TRAPPC6A: variants seen among roughly 807,000 people sequenced by gnomAD.
TRAPPC6A encodes trafficking protein particle complex subunit 6A, also known as TRAPP complex subunit 6A.
Under a neutral mutation model 20.8 loss-of-function variants are expected in TRAPPC6A, and 25 were observed. The observed-to-expected ratio is 1.20, with a 90% CI of 0.88 to 1.68. The LOEUF is 1.68. Ranked by LOEUF, TRAPPC6A falls within the 40% of genes most tolerant of loss-of-function variation. TRAPPC6A has a pLI of 0.00. For missense variants in TRAPPC6A, 215 were observed against 211.6 expected (o/e 1.02, Z -0.10); for synonymous variants, 96 against 93.3 (o/e 1.03, Z -0.16).
intron 1 of TRAPPC6A, among the ~76,000 whole-genome samples, chr19:45,168,098 G>T (rs550272885): frequency 2.0e-5 from 3 of 150,144 alleles, no homozygotes; most frequent in African/African-American, 7.4e-5. Flanking sequence ...CGCCTCCCGG[G>T]TTCACGCCAT....
In TRAPPC6A at chr19:45,163,803, GT is replaced by G. The variant is rs1969070319; in HGVS notation, c.448+112del. On this transcript the variant is annotated intron_variant, in intron 5 of 5. Transcript: ENST00000585934. The surrounding 1 kb of genome is among the most constrained non-coding windows in gnomAD (Gnocchi z 5.3). The stretch of plus-strand genomic sequence containing the variant: ...CTGCACCAGCCGTGTGGCTGAGCAG[GT>G]GACTTAAAACTGGGCCTGCCTCCCA... 1 of 924,560 alleles carries G rather than the reference GT, an allele frequency of 1.1e-6. No individual in the cohort carries two copies. Among genetic ancestry groups the G allele is most frequent in the Non-Finnish European group, 1.7e-6 (1 of 601,888 alleles). The allele number at this position is 924,560 out of a possible 1,614,324, so 57.3% of individuals were successfully genotyped here.
At chr19:45,167,311 C>T (rs1969177061) in intron 1 of TRAPPC6A, among the ~76,000 whole-genome samples, 1 of 152,196 alleles carries the variant, frequency 6.6e-6, no homozygotes, top group Admixed American at 6.5e-5. Flanking sequence ...CAATTTCACG[C>T]AGGTTAATTA....
intron 1 of TRAPPC6A, among the ~76,000 whole-genome samples, chr19:45,167,774 C>T (rs924833021): frequency 7.9e-5 from 12 of 152,212 alleles, no homozygotes; most frequent in Non-Finnish European, 1.6e-4. Flanking sequence ...TGGGCCATCG[C>T]GCCCAGCTGA....
intron 1 of TRAPPC6A, among the ~76,000 whole-genome samples, chr19:45,166,452 G>A (rs1327345189): frequency 6.6e-5 from 10 of 151,304 alleles, no homozygotes; most frequent in Non-Finnish European, 8.8e-5. Context: ...CAAGTGATCC[G>A]CCCGCCTTGG....
At position 45,163,429 on chromosome 19, in the gene TRAPPC6A, C is replaced by T. The variant is rs562257449; in HGVS notation, c.449-206G>A. 1.3e-5 allele frequency among the ~76,000 whole-genome samples: 2 copies of T among 152,258 alleles called. No individual in the cohort carries two copies. The highest frequency in any genetic ancestry group is 2.4e-5 in the African/African-American group (1 of 41,550). On this transcript the variant is annotated intron_variant, in intron 5 of 5. Coordinates refer to ENST00000585934, the MANE Select transcript of TRAPPC6A (RefSeq NM_001270891.2). This position sits in a 1 kb window ranked among gnomAD's most constrained non-coding sequence, Gnocchi z 5.3. Reference sequence around the variant, plus strand: ...ACGGATGTGGCCCCAGGGAAGCGCCCGGCACGGGCTTCTGTGGTATGCATT... The same window carrying T: ...ACGGATGTGGCCCCAGGGAAGCGCCTGGCACGGGCTTCTGTGGTATGCATT...
At chr19:45,174,330 A>T (rs1969320924) in intron 1 of TRAPPC6A, among the ~76,000 whole-genome samples, 1 of 152,048 alleles carries the variant, frequency 6.6e-6, no homozygotes, top group Non-Finnish European at 1.5e-5. Context: ...TCATAAGCCA[A>T]ATGAATCCCA....
intron 1 of TRAPPC6A, among the ~76,000 whole-genome samples, chr19:45,168,507 C>T (rs1041811302): frequency 6.6e-6 from 1 of 152,156 alleles, no homozygotes; most frequent in Non-Finnish European, 1.5e-5. Context: ...CGGGAGCTCA[C>T]CCAGCGGACA....
In TRAPPC6A at chr19:45,164,747, TG is replaced by T. The variant is rs2033457647; in HGVS notation, c.270+105del. 6.7e-6 allele frequency: 7 copies of T among 1,043,122 alleles called. No individual in the cohort carries two copies. The Admixed American group carries it at 1.2e-4, about 18-fold the overall frequency. The allele number at this position is 1,043,122 out of a possible 1,614,324, so 64.6% of individuals were successfully genotyped here. A position where few individuals can be genotyped will look rare whatever the true frequency, so the allele number is the denominator to read the frequency against. ...GCTGCGGCCGCCTGTGGGAAAGCTC[TG>T]GGCGGGTCCCGGCAGCCGCTGCTCT... On this transcript the variant is annotated intron_variant, in intron 3 of 5. Coordinates refer to ENST00000585934, the MANE Select transcript of TRAPPC6A (RefSeq NM_001270891.2).
chr19:45,177,582 GC>G (rs1412431239), intron 1 of TRAPPC6A, among the ~76,000 whole-genome samples: 1 of 152,036 alleles, frequency 6.6e-6, no homozygotes, highest in Non-Finnish European at 1.5e-5. Flanking sequence ...GACGGCCTCG[GC>G]CTCCCAAAGT....
At position 45,163,158 on chromosome 19, in the gene TRAPPC6A, G is replaced by A; in HGVS notation, c.*34C>T. On this transcript the variant is annotated 3_prime_UTR_variant, in exon 6 of 6. Transcript: ENST00000585934. The surrounding 1 kb of genome is among the most constrained non-coding windows in gnomAD (Gnocchi z 5.3). ...GTCTCCTGAGGCCGGTGAGGCCAGG[G>A]GCAGCAGTGCGGCTCAGCAGGTGCG... 3.1e-6 allele frequency: 5 copies of A among 1,613,608 alleles called. No individual in the cohort carries two copies. The highest frequency in any genetic ancestry group is 4.2e-6 in the Non-Finnish European group (5 of 1,179,678).
rs1389934305 is a variant in TRAPPC6A, at chr19:45,163,406, G to A, written c.449-183C>T. ...GAGTAACCAGGAGCATGAGGGCCACGGATGTGGCCCCAGGGAAGCGCCCGG... is the reference window on the plus strand; with the variant it reads ...GAGTAACCAGGAGCATGAGGGCCACAGATGTGGCCCCAGGGAAGCGCCCGG... On this transcript the variant is annotated intron_variant, in intron 5 of 5. Transcript: ENST00000585934. The surrounding 1 kb of genome is among the most constrained non-coding windows in gnomAD (Gnocchi z 5.3). 1.3e-5 allele frequency among the ~76,000 whole-genome samples: 2 copies of A among 152,182 alleles called. No homozygotes were observed. The highest frequency in any genetic ancestry group is 2.4e-5 in the African/African-American group (1 of 41,450).
At position 45,177,055 on chromosome 19, in the gene TRAPPC6A, C is replaced by T. The variant is rs368040887; in HGVS notation, c.84+1080G>A. Among the ~76,000 whole-genome samples the T allele has an allele frequency of 3.0e-4, 46 of 152,222 alleles. 1 individual carries two copies. The highest frequency in any genetic ancestry group is 1.1e-3 in the African/African-American group (44 of 41,542). ...TAGCCAGGTGTGGTGGCGCCAGCAGCGCTTGTGGTCCCAGCTACTTGGGAG... is the reference window on the plus strand; with the variant it reads ...TAGCCAGGTGTGGTGGCGCCAGCAGTGCTTGTGGTCCCAGCTACTTGGGAG... On this transcript the variant is annotated intron_variant, in intron 1 of 5. Transcript: ENST00000585934.
At chr19:45,166,943 G>A (rs990239900) in intron 1 of TRAPPC6A, among the ~76,000 whole-genome samples, 4 of 152,202 alleles carry the variant, frequency 2.6e-5, no homozygotes, top group South Asian at 2.1e-4. Context: ...TGCAGCCTGC[G>A]GGCCCAGCTG....
rs543326140 is a variant in TRAPPC6A at position 45,172,264 on chromosome 19, C to T, written c.84+5871G>A. Among the ~76,000 whole-genome samples the T allele has an allele frequency of 2.6e-5, 4 of 151,930 alleles. No homozygotes were observed. Among genetic ancestry groups the T allele is most frequent in the East Asian group, 1.9e-4 (1 of 5,182 alleles). On this transcript the variant is annotated intron_variant, in intron 1 of 5. Transcript: ENST00000585934. This position sits in a 1 kb window ranked among gnomAD's most constrained non-coding sequence, Gnocchi z 4.2. The stretch of plus-strand genomic sequence containing the variant: ...GGAGCTCTGAAGCTGGTGGGAAAGG[C>T]GGCCTGTGCTACCCAGAAGCCCTGG...
Position 45,169,553 on chromosome 19 carries a change from C to T in TRAPPC6A, c.85-4359G>A, listed in dbSNP as rs184795709. Among the ~76,000 whole-genome samples, 45 of 152,352 alleles carry T rather than the reference C, an allele frequency of 3.0e-4. No individual in the cohort carries two copies. In the South Asian group the frequency reaches 4.3e-3, roughly 15 times the overall value. On this transcript the variant is annotated intron_variant, in intron 1 of 5. Transcript: ENST00000585934. ...CAACCTGAGTACTTCAAGGCAGTTC[C>T]GGGAGCCTTACTTATTGCATTCACA...
At chr19:45,166,085 G>A (rs1174179089) in intron 1 of TRAPPC6A, among the ~76,000 whole-genome samples, 2 of 149,452 alleles carry the variant, frequency 1.3e-5, no homozygotes, top group Admixed American at 6.7e-5. Context: ...CTAATTTTTT[G>A]TATTTCATTA....
At chr19:45,164,093 G>T in intron 4 of TRAPPC6A, 71 bp downstream of exon 4, 1 of 1,551,784 alleles carries the variant, frequency 6.4e-7, no homozygotes. Flanking sequence ...CTGGGGAAAG[G>T]CCTGATGTGG....
chr19:45,163,024 C>G lies in TRAPPC6A; in HGVS notation c.*168G>C. ...ACAGTCCTGACCGCAGCTGGGACCC[C>G]TTTGCCTCCTCTGACACCCCCACCT... On this transcript the variant is annotated 3_prime_UTR_variant, in exon 6 of 6. Transcript: ENST00000585934. The surrounding 1 kb of genome is among the most constrained non-coding windows in gnomAD (Gnocchi z 5.3). The G allele has an allele frequency of 2.8e-6, 2 of 709,076 alleles. No individual in the cohort carries two copies. Among genetic ancestry groups the G allele is most frequent in the Admixed American group, 2.8e-5 (1 of 35,542 alleles). 43.9% of individuals were successfully genotyped at this position (709,076 alleles called of 1,614,324 possible). A position where few individuals can be genotyped will look rare whatever the true frequency, so the allele number is the denominator to read the frequency against.
chr19:45,175,381 C>T (rs565755528), intron 1 of TRAPPC6A, among the ~76,000 whole-genome samples: 1,840 of 150,298 alleles, frequency 0.012, 39 homozygotes, highest in African/African-American at 0.041. Context: ...GAGCCGAGAT[C>T]GCGCCACTGC....
Sources: gnomAD v4.1 joint callset for allele counts (sites outside exome capture counted in the v4.1 genomes callset) on GRCh38, gnomAD v4.1.1 for gene constraint, Gnocchi (gnomAD v3.1) non-coding constraint, MANE v1.5 for transcripts, NCBI Gene and HGNC (gene_info 2026-07-23, HGNC 2026-07-21) for gene names.